The following MIPOL1 variants were observed in gnomAD, a reference collection of about 807,000 sequenced individuals.
MIPOL1 encodes the protein mirror-image polydactyly gene 1 protein.
In MIPOL1, 57 loss-of-function variants were observed where a neutral mutation model predicts 60.9. The observed-to-expected ratio is 0.94, with a 90% CI of 0.76 to 1.17. MIPOL1 has a LOEUF of 1.17. Ranked by LOEUF, MIPOL1 falls within the 50% of genes most tolerant of loss-of-function variation. The probability of loss-of-function intolerance (pLI) is 0.00; values close to 1 mark genes in which losing one functional copy is unlikely to be tolerated. For synonymous variants in MIPOL1, 179 were observed against 168.8 expected (o/e 1.06, Z -0.47); for missense variants, 551 against 511.6 (o/e 1.08, Z -0.74).
At chr14:37,314,096 ATT>A (rs2087628161) in intron 9 of MIPOL1, among the ~76,000 whole-genome samples, 3 of 152,046 alleles carry the variant, frequency 2.0e-5, no homozygotes, top group Admixed American at 6.6e-5. Flanking sequence ...CACTCTTTTA[ATT>A]TCTGTACTCG....
intron 12 of MIPOL1, among the ~76,000 whole-genome samples, chr14:37,541,505 T>A (rs2095529548): frequency 6.6e-6 from 1 of 152,264 alleles, no homozygotes; most frequent in Non-Finnish European, 1.5e-5. Context: ...TGATGGTTTA[T>A]GTCTTCTACA....
chr14:37,497,423 A>G (rs1186708652), intron 11 of MIPOL1, among the ~76,000 whole-genome samples: 3 of 152,260 alleles, frequency 2.0e-5, no homozygotes, highest in Admixed American at 6.5e-5. Context: ...CCATATATGT[A>G]AAGTTAAAAT....
intron 10 of MIPOL1, among the ~76,000 whole-genome samples, chr14:37,371,232 G>A (rs2092629729): frequency 6.6e-6 from 1 of 150,866 alleles, no homozygotes; most frequent in Non-Finnish European, 1.5e-5. Flanking sequence ...TGATTTTCCT[G>A]CCTCAGCCTC....
At chr14:37,215,529 A>G (rs1432197381) in intron 1 of MIPOL1, among the ~76,000 whole-genome samples, 1 of 152,196 alleles carries the variant, frequency 6.6e-6, no homozygotes, top group South Asian at 2.1e-4. Flanking sequence ...GACATCACCA[A>G]TGAAAATCAC....
At chr14:37,222,862 G>A (rs932087490) in intron 1 of MIPOL1, among the ~76,000 whole-genome samples, 14 of 152,018 alleles carry the variant, frequency 9.2e-5, no homozygotes, top group African/African-American at 2.9e-4. Context: ...CCAAAACTAC[G>A]TTCAGATATT....
chr14:37,229,212 A>C (rs1054108963), intron 1 of MIPOL1, among the ~76,000 whole-genome samples: 1 of 152,202 alleles, frequency 6.6e-6, no homozygotes, highest in African/African-American at 2.4e-5. Context: ...GCTAGACTGC[A>C]GTGGTGTGAT....
intron 9 of MIPOL1, among the ~76,000 whole-genome samples, chr14:37,329,166 A>G (rs1294298431): frequency 6.6e-6 from 1 of 152,110 alleles, no homozygotes; most frequent in Non-Finnish European, 1.5e-5. Context: ...TCTTAAGTTA[A>G]TCACCACTCA....
chr14:37,454,376 A>G (rs1393709560), intron 11 of MIPOL1, among the ~76,000 whole-genome samples: 3 of 152,224 alleles, frequency 2.0e-5, no homozygotes, highest in Admixed American at 6.5e-5. Context: ...CAGAAGGTGT[A>G]GTGATAGTGT....
At chr14:37,450,865 T>C (rs2094407036) in intron 11 of MIPOL1, among the ~76,000 whole-genome samples, 2 of 152,166 alleles carry the variant, frequency 1.3e-5, no homozygotes, top group African/African-American at 4.8e-5. Flanking sequence ...TATAAAATCG[T>C]GTCCACTTCC....
intron 9 of MIPOL1, among the ~76,000 whole-genome samples, chr14:37,316,164 T>G (rs1202836769): frequency 1.3e-5 from 2 of 151,894 alleles, no homozygotes; most frequent in African/African-American, 4.8e-5. Context: ...GTAGCTGGGA[T>G]TACAGGCCTG....
intron 11 of MIPOL1, among the ~76,000 whole-genome samples, chr14:37,480,682 A>G (rs1231995702): frequency 2.0e-5 from 3 of 152,300 alleles, no homozygotes; most frequent in Admixed American, 6.5e-5. Flanking sequence ...TTTCTTTTCC[A>G]CATAGTACTG....
At chr14:37,282,183 A>C (rs1290173203) in intron 6 of MIPOL1, among the ~76,000 whole-genome samples, 1 of 151,960 alleles carries the variant, frequency 6.6e-6, no homozygotes, top group Non-Finnish European at 1.5e-5. Context: ...AGTATAAATA[A>C]AATTTGGTTC....
At chr14:37,368,446 G>A (rs1326119241) in intron 9 of MIPOL1, among the ~76,000 whole-genome samples, 1 of 151,920 alleles carries the variant, frequency 6.6e-6, no homozygotes. Context: ...ATGTCATTTT[G>A]GATGATAGCT....
chr14:37,340,485 C>T (rs745643929), intron 9 of MIPOL1, among the ~76,000 whole-genome samples: 80 of 152,032 alleles, frequency 5.3e-4, no homozygotes, highest in Admixed American at 4.9e-3. Context: ...CCAAGTCGGA[C>T]GATCCCTTGC....
chr14:37,464,206 A>C (rs994025054), intron 11 of MIPOL1, among the ~76,000 whole-genome samples: 23 of 151,810 alleles, frequency 1.5e-4, no homozygotes, highest in Admixed American at 6.6e-5. Context: ...GAGATTTCTC[A>C]AAGAAATAAA....
intron 1 of MIPOL1, among the ~76,000 whole-genome samples, chr14:37,232,741 G>A (rs1232754215): frequency 6.6e-6 from 1 of 152,054 alleles, no homozygotes; most frequent in African/African-American, 2.4e-5. Context: ...TTTTTCATAA[G>A]TATCATGTCA....
At chr14:37,412,999 A>G (rs759782190) in intron 10 of MIPOL1, among the ~76,000 whole-genome samples, 1 of 152,100 alleles carries the variant, frequency 6.6e-6, no homozygotes, top group Non-Finnish European at 1.5e-5. Context: ...GAATATTACA[A>G]TTAGGCAGAA....
chr14:37,369,702 T>C (rs957203713), intron 10 of MIPOL1, 78 bp downstream of exon 10: 1 of 1,027,856 alleles, frequency 9.7e-7, no homozygotes, highest in Non-Finnish European at 1.5e-6. Context: ...CATATATCAG[T>C]TGTGTACATT....
chr14:37,521,640 A>G (rs949554108), intron 12 of MIPOL1, among the ~76,000 whole-genome samples: 6 of 152,276 alleles, frequency 3.9e-5, no homozygotes, highest in Non-Finnish European at 8.8e-5. Flanking sequence ...AGTTCTCTTC[A>G]GCTGAATGAT....
Sources: allele counts gnomAD v4.1 joint callset (sites outside exome capture counted in the v4.1 genomes callset), GRCh38; gene constraint gnomAD v4.1.1; transcripts MANE v1.5; gene names NCBI Gene and HGNC (gene_info 2026-07-23, HGNC 2026-07-21).